CACNA1S: variants seen among roughly 807,000 people sequenced by gnomAD.
The protein encoded by CACNA1S is voltage-dependent L-type calcium channel subunit alpha-1S.
Under a neutral mutation model 207.4 loss-of-function variants are expected in CACNA1S, and 126 were observed. That is an observed-to-expected ratio of 0.61 (90% CI 0.53 to 0.70). The LOEUF (loss-of-function observed/expected upper bound fraction) is 0.70. Ranked by LOEUF, CACNA1S falls within the 30% of genes least tolerant of loss-of-function variation. The probability of loss-of-function intolerance (pLI) is 0.00; values close to 1 mark genes in which losing one functional copy is unlikely to be tolerated. For missense variants in CACNA1S, 2,349 were observed against 2,422.8 expected (o/e 0.97, Z 0.64); for synonymous variants, 960 against 932.7 (o/e 1.03, Z -0.53).
At position 201,053,226 on chromosome 1, in the gene CACNA1S, C is replaced by A. The variant is rs774300377; in HGVS notation, c.3844G>T (p.Ala1282Ser). Reference sequence around the variant, plus strand: ...CCTCTCACCTGCATGCCGATGACAGCGTAGATGAAGAAGAGCATGACGATG... The same window carrying A: ...CCTCTCACCTGCATGCCGATGACAGAGTAGATGAAGAAGAGCATGACGATG... ...LLIVMLFFIY[A>S]VIGMQMFGKI... Residue 1282 changes from alanine to serine, a missense_variant, in exon 31 of 44, where the codon GCT becomes TCT. Coordinates refer to ENST00000362061, the MANE Select transcript of CACNA1S (RefSeq NM_000069.3). This position sits in a 1 kb window ranked among gnomAD's most constrained non-coding sequence, Gnocchi z 5.1. The A allele has an allele frequency of 1.4e-5, 23 of 1,614,118 alleles. No homozygotes were observed. In the Admixed American group the frequency reaches 3.7e-4, roughly 26 times the overall value.
Position 201,078,091 on chromosome 1 carries a change from C to A in CACNA1S, c.1407G>T (p.Arg469=), listed in dbSNP as rs1661698464. The stretch of plus-strand genomic sequence containing the variant: ...CAGTGGTGAAGAGGGACAGCAGCAC[C>A]CGGTTGGCAATGTCTGTAGGGTTGG... ...WLTRLQDIAN[R]VLLSLFTTEM... Residue 469 remains arginine, a synonymous_variant, in exon 11 of 44, where the codon CGG becomes CGT. Coordinates refer to ENST00000362061, the MANE Select transcript of CACNA1S (RefSeq NM_000069.3). The A allele has an allele frequency of 1.2e-6, 2 of 1,613,992 alleles. No homozygotes were observed. The highest frequency in any genetic ancestry group is 1.7e-6 in the Non-Finnish European group (2 of 1,179,964).
At chr1:201,077,218 C>T (rs994479414) in intron 11 of CACNA1S, 91 bp from the exon 12 acceptor site, 3 of 1,091,760 alleles carry the variant, frequency 2.7e-6, no homozygotes, top group Non-Finnish European at 4.2e-6. Flanking sequence ...AGACTCAGGA[C>T]TGATGTGACA....
In CACNA1S at chr1:201,053,497, C is replaced by T. The variant is rs1660730259; in HGVS notation, c.3757G>A (p.Val1253Met). ...ATGAACGTCCACAGGAGGGTTCGCA[C>T]TCCTTCTGCCCGGCTCAGCAGCTTG... ...LIKLLSRAEG[V>M]RTLLWTFIKS... Residue 1253 changes from valine (V) to methionine (M), a missense_variant, in exon 30 of 44, where the codon GTG (valine) becomes ATG (methionine). By Grantham distance (21) the Val-to-Met change is conservative (BLOSUM62 1). Transcript: ENST00000362061. The surrounding 1 kb of genome is among the most constrained non-coding windows in gnomAD (Gnocchi z 5.1). 1 of 1,614,174 alleles carries T rather than the reference C, an allele frequency of 6.2e-7. No individual in the cohort carries two copies. Among genetic ancestry groups the T allele is most frequent in the Non-Finnish European group, 8.5e-7 (1 of 1,180,020 alleles).
At chr1:201,111,887 G>T in intron 1 of CACNA1S, among the ~76,000 whole-genome samples, 1 of 107,468 alleles carries the variant, frequency 9.3e-6, no homozygotes, top group South Asian at 3.1e-4. Flanking sequence ...TCAGGCCCAG[G>T]AAGCCCCACC....
intron 11 of CACNA1S, 93 bp downstream of exon 11, chr1:201,077,786 A>T (rs1661681267): frequency 1.2e-6 from 1 of 820,392 alleles, no homozygotes; most frequent in Admixed American, 2.1e-5. Context: ...ACCTGCACAG[A>T]TCCCAGACCT....
In CACNA1S at chr1:201,065,931, G is replaced by A. The variant is rs199873135; in HGVS notation, c.2760C>T (p.Cys920=). The A allele has an allele frequency of 1.9e-6, 3 of 1,612,254 alleles. No individual in the cohort carries two copies. Among genetic ancestry groups the A allele is most frequent in the Non-Finnish European group, 2.5e-6 (3 of 1,178,560 alleles). Residue 920 remains cysteine, a synonymous_variant, in exon 22 of 44, where the codon TGC becomes TGT. Transcript: ENST00000362061. ...CGATGGTGCTGATGGCCACGAACAT[G>A]CACTGCACCACGTGCTGGGGACAGA... ...RAKGLKHVVQ[C]MFVAISTIGN... is the part of the protein sequence containing the mutation.
chr1:201,069,215 C>G lies in CACNA1S; in HGVS notation c.2491-19G>C, dbSNP rs368720988. On this transcript the variant is annotated intron_variant, in intron 18 of 43. Transcript: ENST00000362061. The stretch of plus-strand genomic sequence containing the variant: ...TAAGGATCTGGGGACAGGGCAGGGG[C>G]GGGAGCAGCCAGTGAGAGGAGGAGG... The G allele has an allele frequency of 1.2e-6, 2 of 1,611,878 alleles. No individual in the cohort carries two copies. Among genetic ancestry groups the G allele is most frequent in the South Asian group, 1.1e-5 (1 of 91,002 alleles).
At chr1:201,101,435 T>C (rs545438711) in intron 2 of CACNA1S, among the ~76,000 whole-genome samples, 2 of 152,188 alleles carry the variant, frequency 1.3e-5, no homozygotes, top group East Asian at 3.9e-4. Context: ...AAATCAATAA[T>C]CAGGGAAGAG....
chr1:201,091,928 G>A, intron 4 of CACNA1S, 44 bp downstream of exon 4: 2 of 1,612,998 alleles, frequency 1.2e-6, no homozygotes, highest in Non-Finnish European at 1.7e-6. Context: ...CAAGGGAACA[G>A]GAAGGGAGAG....
At position 201,089,323 on chromosome 1, in the gene CACNA1S, C is replaced by T. The variant is rs375704313; in HGVS notation, c.835G>A (p.Gly279Ser). 2.2e-5 allele frequency: 36 copies of T among 1,614,126 alleles called. No homozygotes were observed. The highest frequency in any genetic ancestry group is 2.0e-4 in the East Asian group (9 of 44,898). The change falls in exon 6 of 44, where the codon GGC (glycine) becomes AGC (serine). Residue 279 changes from glycine (G) to serine (S), a missense_variant. Coordinates refer to ENST00000362061, the MANE Select transcript of CACNA1S (RefSeq NM_000069.3). ...NHGITHFDNF[G>S]FSMLTVYQCI... Reference sequence around the variant, plus strand: ...TGGTACACGGTGAGCATGGAGAAGCCGAAGTTGTCGAAGTGGGTGATGCCA... The same window carrying T: ...TGGTACACGGTGAGCATGGAGAAGCTGAAGTTGTCGAAGTGGGTGATGCCA...
rs926749104 is a variant in CACNA1S, at chr1:201,062,088, C to T, written c.2909G>A (p.Gly970Asp). The T allele has an allele frequency of 5.0e-6, 8 of 1,613,486 alleles. No individual in the cohort carries two copies. Among genetic ancestry groups the T allele is most frequent in the Non-Finnish European group, 6.8e-6 (8 of 1,179,784 alleles). ...LSKMTEEECR[G>D]YYYVYKDGDP... is the part of the protein sequence containing the mutation. ...CCCGTCCTTGTACACGTAGTAGTAGCCCCTGTGGCAGGGAGGCCCAGTCAC... is the reference window on the plus strand; with the variant it reads ...CCCGTCCTTGTACACGTAGTAGTAGTCCCTGTGGCAGGGAGGCCCAGTCAC... Residue 970 changes from glycine (G) to aspartate (D), a missense_variant and splice_region_variant, in exon 24 of 44, where the codon GGC becomes GAC. By Grantham distance (94) the Gly-to-Asp change is moderately conservative. Coordinates refer to ENST00000362061, the MANE Select transcript of CACNA1S (RefSeq NM_000069.3).
Position 201,066,978 on chromosome 1 carries a change from C to T in CACNA1S, c.2566G>A (p.Ala856Thr), listed in dbSNP as rs908802334. 1 of 1,613,826 alleles carries T rather than the reference C, an allele frequency of 6.2e-7. No homozygotes were observed. Among genetic ancestry groups the T allele is most frequent in the Middle Eastern group, 1.7e-4 (1 of 6,060 alleles). ...EIVLKMTTYG[A>T]FLHKGSFCRN... ...CAGAAGGAACCCTTGTGCAGGAAGG[C>T]TCCGTAGGTCGTCATCTGGGGAGAA... Residue 856 changes from alanine to threonine, a missense_variant, in exon 20 of 44, where the codon GCC (alanine) becomes ACC (threonine). Physicochemically the swap from Ala to Thr is moderately conservative, Grantham distance 58 (BLOSUM62 0). Transcript: ENST00000362061. The surrounding 1 kb of genome is among the most constrained non-coding windows in gnomAD (Gnocchi z 4.3).
At chr1:201,047,995 T>C (rs1283569868) in intron 36 of CACNA1S, among the ~76,000 whole-genome samples, 2 of 152,262 alleles carry the variant, frequency 1.3e-5, no homozygotes, top group African/African-American at 2.4e-5. Flanking sequence ...TCCTGACTTC[T>C]GGTCTTCCTC....
Position 201,039,646 on chromosome 1 carries a change from G to A in CACNA1S, c.*185C>T, listed in dbSNP as rs1660038564. ...TCATGCCTCTTGCTGGTGAGGGGCA[G>A]GGCCTGTCCAGCTACTTCCTCCGCA... On this transcript the variant is annotated 3_prime_UTR_variant, in exon 44 of 44. Coordinates refer to ENST00000362061, the MANE Select transcript of CACNA1S (RefSeq NM_000069.3). 4.3e-6 allele frequency: 3 copies of A among 689,968 alleles called. No homozygotes were observed. The highest frequency in any genetic ancestry group is 7.4e-6 in the Non-Finnish European group (3 of 404,346). The allele number at this position is 689,968 out of a possible 1,614,324, so 42.7% of individuals were successfully genotyped here.
At chr1:201,110,474 C>A (rs1000684314) in intron 1 of CACNA1S, among the ~76,000 whole-genome samples, 11 of 152,182 alleles carry the variant, frequency 7.2e-5, no homozygotes, top group African/African-American at 2.4e-4. Flanking sequence ...CTGGCTCCCT[C>A]TCCTCAGGAA....
intron 2 of CACNA1S, 116 bp from the exon 3 acceptor site, chr1:201,094,137 C>T (rs536033617): frequency 4.7e-5 from 59 of 1,242,870 alleles, no homozygotes; most frequent in African/African-American, 7.4e-5. Context: ...CACCTCAGGA[C>T]GTTTGCACTT....
At chr1:201,069,424 C>T in intron 18 of CACNA1S, 48 bp downstream of exon 18, 1 of 1,602,952 alleles carries the variant, frequency 6.2e-7, no homozygotes, top group African/African-American at 1.3e-5. Flanking sequence ...CAGACTGAGG[C>T]TGGAGGGGGC....
intron 40 of CACNA1S, chr1:201,041,951 C>T (rs977293636): frequency 3.5e-5 from 13 of 372,076 alleles, no homozygotes; most frequent in Non-Finnish European, 6.2e-5. Flanking sequence ...GTGGCTGAGT[C>T]CCACACCCAG....
chr1:201,096,424 T>C (rs1662437131), intron 2 of CACNA1S, among the ~76,000 whole-genome samples: 1 of 152,212 alleles, frequency 6.6e-6, no homozygotes. Context: ...CTGGGCTCAG[T>C]CTTCCATGGA....
Sources: allele counts gnomAD v4.1 joint callset (sites outside exome capture counted in the v4.1 genomes callset), GRCh38; gene constraint gnomAD v4.1.1; non-coding constraint Gnocchi (gnomAD v3.1); transcripts MANE v1.5; gene names NCBI Gene and HGNC (gene_info 2026-07-23, HGNC 2026-07-21).